SCARA5: variants seen among roughly 807,000 people sequenced by gnomAD.
SCARA5 encodes scavenger receptor class A, member 5 (putative).
A neutral mutation model predicts 46.3 loss-of-function variants in SCARA5; 45 were observed. That is an observed-to-expected ratio of 0.97 (90% confidence interval 0.76 to 1.24). The LOEUF (loss-of-function observed/expected upper bound fraction) is 1.24, where lower values mean the gene tolerates loss of function less well. Among genes scored for constraint, SCARA5 ranks in the 50% most tolerant of loss-of-function variants. The pLI is 0.00. For synonymous variants in SCARA5, 333 were observed against 306.5 expected (o/e 1.09, Z -0.90); for missense variants, 680 against 689.0 (o/e 0.99, Z 0.15).
intron 2 of SCARA5, among the ~76,000 whole-genome samples, chr8:27,974,830 C>T (rs1426975412): frequency 6.6e-6 from 1 of 151,792 alleles, no homozygotes; most frequent in Non-Finnish European, 1.5e-5. Context: ...ACAGCGGACC[C>T]AGGGAAACAA....
At chr8:27,961,939 T>C (rs1808299910) in intron 3 of SCARA5, among the ~76,000 whole-genome samples, 1 of 152,186 alleles carries the variant, frequency 6.6e-6, no homozygotes, top group South Asian at 2.1e-4. Context: ...ATTAAAAACA[T>C]CATGCATTTG....
At chr8:27,942,187 C>G (rs1048827044) in intron 3 of SCARA5, among the ~76,000 whole-genome samples, 1 of 152,088 alleles carries the variant, frequency 6.6e-6, no homozygotes, top group Non-Finnish European at 1.5e-5. Context: ...CACCATTAGC[C>G]AGTGACAGCC....
intron 2 of SCARA5, among the ~76,000 whole-genome samples, chr8:27,978,013 T>A (rs1190022332): frequency 6.7e-6 from 1 of 149,088 alleles, no homozygotes; most frequent in East Asian, 1.9e-4. Flanking sequence ...AGTTAGTTTC[T>A]TGTGTCTTTT....
intron 8 of SCARA5, among the ~76,000 whole-genome samples, chr8:27,872,979 G>A (rs1806664389): frequency 6.6e-6 from 1 of 152,230 alleles, no homozygotes; most frequent in Non-Finnish European, 1.5e-5. Flanking sequence ...GGTGGCGGGG[G>A]ATCATTCCCG....
At chr8:27,889,960 A>G (rs1261801829) in intron 7 of SCARA5, among the ~76,000 whole-genome samples, 1 of 152,218 alleles carries the variant, frequency 6.6e-6, no homozygotes, top group Non-Finnish European at 1.5e-5. Flanking sequence ...TGTATATTTT[A>G]TCAATGTCTG....
At position 27,933,475 on chromosome 8, in the gene SCARA5, T is replaced by C. The variant is rs551451334; in HGVS notation, c.242-11230A>G. On this transcript the variant is annotated intron_variant, in intron 3 of 8. Coordinates refer to ENST00000354914, the MANE Select transcript of SCARA5 (RefSeq NM_173833.6). Reference sequence around the variant, plus strand: ...AGGTAGAGGTTGCAGTGAGCCAAGATCATGCCACTGCACAGCAGCCTGGGT... The same window carrying C: ...AGGTAGAGGTTGCAGTGAGCCAAGACCATGCCACTGCACAGCAGCCTGGGT... Among the ~76,000 whole-genome samples the C allele has an allele frequency of 2.1e-5, 3 of 144,526 alleles. No individual in the cohort carries two copies. The East Asian group carries it at 6.1e-4, about 29-fold the overall frequency. The allele number at this position is 144,526 out of a possible 152,430, so 94.8% of individuals were successfully genotyped here.
chr8:27,931,674 A>G (rs2129844475), intron 3 of SCARA5, among the ~76,000 whole-genome samples: 1 of 152,050 alleles, frequency 6.6e-6, no homozygotes, highest in African/African-American at 2.4e-5. Context: ...TTATTTATTT[A>G]TTTATTTTAC....
chr8:27,974,379 C>T (rs1358168743), intron 2 of SCARA5, among the ~76,000 whole-genome samples: 1 of 152,122 alleles, frequency 6.6e-6, no homozygotes, highest in East Asian at 1.9e-4. Flanking sequence ...TCCCCCCTCC[C>T]ATTTTAAAAG....
chr8:27,922,132 C>A lies in SCARA5; in HGVS notation c.355G>T (p.Ala119Ser). 3 of 1,607,464 alleles carry A rather than the reference C, an allele frequency of 1.9e-6. No individual in the cohort carries two copies. Among genetic ancestry groups the A allele is most frequent in the East Asian group, 2.2e-5 (1 of 44,642 alleles). Residue 119 changes from alanine (A) to serine (S), a missense_variant, in exon 4 of 9, where the codon GCG becomes TCG. Ala to Ser is a moderately conservative substitution (Grantham distance 99). This residue lies in a region of SCARA5 where 438 missense variants were observed against 384.5 expected (regional missense o/e 1.14). Transcript: ENST00000354914. ...TTCCACACCTGCTCCGTCAGGTCCG[C>A]TTGCAGCGGAGCCTGCAGCAGCCGC... is the stretch of plus-strand genomic sequence containing the variant. ...QLRLLQAPLQ[A>S]DLTEQVWKVQ...
At chr8:27,984,846 T>C (rs1158650743) in intron 2 of SCARA5, among the ~76,000 whole-genome samples, 1 of 152,188 alleles carries the variant, frequency 6.6e-6, no homozygotes, top group Admixed American at 6.5e-5. Context: ...TATTCATCCA[T>C]CCAGCTATCC....
intron 3 of SCARA5, among the ~76,000 whole-genome samples, chr8:27,950,338 G>A (rs1808104482): frequency 6.6e-6 from 1 of 152,118 alleles, no homozygotes; most frequent in African/African-American, 2.4e-5. Flanking sequence ...GCCTTGTAAG[G>A]AGACCCCCAC....
intron 7 of SCARA5, among the ~76,000 whole-genome samples, chr8:27,882,607 TGTGAAA>T (rs1806828859): frequency 6.6e-6 from 1 of 152,086 alleles, no homozygotes; most frequent in African/African-American, 2.4e-5. Flanking sequence ...AGGCTGTGAG[TGTGAAA>T]GTGCTTTAAG....
intron 5 of SCARA5, among the ~76,000 whole-genome samples, chr8:27,909,430 C>CAG (rs2129771059): frequency 6.6e-6 from 1 of 152,024 alleles, no homozygotes; most frequent in Admixed American, 6.5e-5. Flanking sequence ...CAGGGAGCTG[C>CAG]AGGCCTGTCC....
chr8:27,976,172 G>A (rs550993742), intron 2 of SCARA5, among the ~76,000 whole-genome samples: 2 of 152,274 alleles, frequency 1.3e-5, no homozygotes, highest in African/African-American at 4.8e-5. Context: ...GGGTGGCCAA[G>A]GTGAGCTGGG....
intron 8 of SCARA5, among the ~76,000 whole-genome samples, chr8:27,872,598 G>A (rs1806657503): frequency 6.6e-6 from 1 of 152,216 alleles, no homozygotes; most frequent in African/African-American, 2.4e-5. Context: ...CTCCTTGGAT[G>A]TTGTTTCTTC....
chr8:27,878,158 G>C (rs924891275), intron 8 of SCARA5, among the ~76,000 whole-genome samples: 2 of 152,212 alleles, frequency 1.3e-5, no homozygotes, highest in Non-Finnish European at 2.9e-5. Context: ...CCTGGTAACT[G>C]GGTGTGAGAG....
chr8:27,946,140 C>T (rs557036330), intron 3 of SCARA5, among the ~76,000 whole-genome samples: 3 of 152,252 alleles, frequency 2.0e-5, no homozygotes, highest in East Asian at 1.9e-4. Context: ...CTAGAGAAGT[C>T]GTGGATGAGC....
intron 4 of SCARA5, among the ~76,000 whole-genome samples, chr8:27,914,801 A>C (rs1386390567): frequency 1.3e-5 from 2 of 152,170 alleles, no homozygotes; most frequent in African/African-American, 4.8e-5. Context: ...TGCTCCCCTC[A>C]GTGCAGTTGC....
At chr8:27,916,184 T>C (rs1307356041) in intron 4 of SCARA5, among the ~76,000 whole-genome samples, 1 of 152,212 alleles carries the variant, frequency 6.6e-6, no homozygotes, top group Non-Finnish European at 1.5e-5. Context: ...AAAAACCATT[T>C]GGGTCAAGCT....
Sources: allele counts gnomAD v4.1 joint callset (sites outside exome capture counted in the v4.1 genomes callset), GRCh38; gene constraint gnomAD v4.1.1; regional missense constraint gnomAD v4.1.1; transcripts MANE v1.5; gene names NCBI Gene and HGNC (gene_info 2026-07-23, HGNC 2026-07-21).